MIPEP: variants seen among roughly 807,000 people sequenced by gnomAD.
The protein encoded by MIPEP is mitochondrial intermediate peptidase.
MIPEP carries 79 observed loss-of-function variants against 90.3 expected under a neutral mutation model. The ratio of observed to expected loss-of-function variants is 0.87; its 90% CI spans 0.73 to 1.05. The LOEUF is 1.05. MIPEP is among the 50% of genes least tolerant of loss of function. MIPEP has a pLI of 0.00. For missense variants in MIPEP, 940 were observed against 905.6 expected (o/e 1.04, Z -0.49); for synonymous variants, 334 against 315.8 (o/e 1.06, Z -0.61).
At chr13:23,806,755 T>TCTAA (rs1953114516) in intron 15 of MIPEP, among the ~76,000 whole-genome samples, 1 of 151,220 alleles carries the variant, frequency 6.6e-6, no homozygotes, top group Non-Finnish European at 1.5e-5. Context: ...TATCTATCTA[T>TCTAA]CTATCTATCT....
At chr13:23,825,703 C>CT (rs1868416899) in intron 14 of MIPEP, among the ~76,000 whole-genome samples, 1 of 152,142 alleles carries the variant, frequency 6.6e-6, no homozygotes, top group East Asian at 1.9e-4. Context: ...ACTAATAGAT[C>CT]TATTGCCCCC....
rs143190138 is a variant in MIPEP at position 23,756,629 on chromosome 13, G to A, written c.1971-11C>T. On this transcript the variant is annotated splice_polypyrimidine_tract_variant and intron_variant, in intron 17 of 18. Transcript: ENST00000382172. ...CGCTCCCCGGCAGCCCTGGGGAAGA[G>A]AGGTTCTGTTACAGACTCCTGCTTG... 2.4e-4 allele frequency: 384 copies of A among 1,611,534 alleles called. 1 individual carries two copies. In the African/African-American group the frequency reaches 4.3e-3, roughly 18 times the overall value.
intron 13 of MIPEP, among the ~76,000 whole-genome samples, chr13:23,837,134 G>C (rs1350985052): frequency 6.6e-6 from 1 of 152,094 alleles, no homozygotes; most frequent in Non-Finnish European, 1.5e-5. Context: ...AAAATTAAAA[G>C]GACTTCATCA....
rs1380979835 is a variant in MIPEP at position 23,889,169 on chromosome 13, G to A, written c.152C>T (p.Pro51Leu). The change falls in exon 1 of 19, where the codon CCC becomes CTC. Residue 51 changes from proline to leucine, a missense_variant. By Grantham distance (98) the Pro-to-Leu change is moderately conservative. Coordinates refer to ENST00000382172, the MANE Select transcript of MIPEP (RefSeq NM_005932.4). ...SPVGAAFNVK[P>L]QGSRLDLFGE... ...GAACAGGTCCAAGCGGCTGCCCTGG[G>A]GCTTGACATTGAAGGCGGCGCCCAC... The A allele has an allele frequency of 4.8e-6, 7 of 1,467,258 alleles. No homozygotes were observed. Among genetic ancestry groups the A allele is most frequent in the Non-Finnish European group, 6.3e-6 (7 of 1,110,964 alleles). The allele number at this position is 1,467,258 out of a possible 1,614,324, so 90.9% of individuals were successfully genotyped here.
chr13:23,782,180 T>A (rs1483061691), intron 16 of MIPEP, among the ~76,000 whole-genome samples: 1 of 152,140 alleles, frequency 6.6e-6, no homozygotes, highest in African/African-American at 2.4e-5. Flanking sequence ...TCACACTTAT[T>A]CCAAAATTGA....
intron 16 of MIPEP, among the ~76,000 whole-genome samples, chr13:23,791,846 C>T (rs1952900614): frequency 6.6e-6 from 1 of 152,206 alleles, no homozygotes; most frequent in Non-Finnish European, 1.5e-5. Flanking sequence ...TTGATACCCA[C>T]TCCATTTAGC....
rs553724409 is a variant in MIPEP, at chr13:23,736,089, T to G, written c.2045-5644A>C. Among the ~76,000 whole-genome samples, 9 of 152,298 alleles carry G rather than the reference T, an allele frequency of 5.9e-5. No individual in the cohort carries two copies. In the South Asian group the frequency reaches 1.9e-3, roughly 32 times the overall value. On this transcript the variant is annotated intron_variant, in intron 18 of 18. Coordinates refer to ENST00000382172, the MANE Select transcript of MIPEP (RefSeq NM_005932.4). ...AAGGGTGACGATTAAAATTGTATTT[T>G]CCAAGCACCCCTGGGAACCAGCTTG...
At chr13:23,876,924 C>A (rs537505589) in intron 4 of MIPEP, among the ~76,000 whole-genome samples, 31 of 152,188 alleles carry the variant, frequency 2.0e-4, no homozygotes, top group African/African-American at 7.0e-4. Flanking sequence ...TCCTGAAAAC[C>A]AAGTCTTTCC....
intron 16 of MIPEP, among the ~76,000 whole-genome samples, chr13:23,770,782 G>A (rs1952641053): frequency 6.6e-6 from 1 of 152,144 alleles, no homozygotes; most frequent in South Asian, 2.1e-4. Flanking sequence ...TAGAACACAC[G>A]AGTTTATTAT....
intron 16 of MIPEP, among the ~76,000 whole-genome samples, chr13:23,766,845 C>T (rs12100285): frequency 0.33 from 49,759 of 152,134 alleles, 8,337 homozygotes; most frequent in South Asian, 0.48. Flanking sequence ...TAGACAGAAG[C>T]TGCTCCTTGC....
At chr13:23,841,289 C>T (rs565433824) in intron 11 of MIPEP, 46 bp downstream of exon 11, 55 of 1,555,528 alleles carry the variant, frequency 3.5e-5, no homozygotes, top group South Asian at 7.5e-5. Context: ...ACTGCCCAAC[C>T]GAAAGGTAAA....
chr13:23,747,684 A>C (rs1247543154), intron 18 of MIPEP: 2 of 388,526 alleles, frequency 5.1e-6, no homozygotes, highest in Non-Finnish European at 1.0e-5. Context: ...CATGTGATAA[A>C]AAAAATTCCT....
intron 14 of MIPEP, among the ~76,000 whole-genome samples, chr13:23,816,148 T>C (rs746899713): frequency 6.6e-6 from 1 of 152,240 alleles, no homozygotes; most frequent in Non-Finnish European, 1.5e-5. Flanking sequence ...TGATTGTTTG[T>C]CCTGCTTGGG....
intron 16 of MIPEP, among the ~76,000 whole-genome samples, chr13:23,767,102 T>C (rs1042094490): frequency 1.3e-5 from 2 of 152,182 alleles, no homozygotes; most frequent in Non-Finnish European, 2.9e-5. Flanking sequence ...CTCAGTGCTA[T>C]AACTGTAGGA....
At chr13:23,787,285 G>C (rs1952853348) in intron 16 of MIPEP, among the ~76,000 whole-genome samples, 1 of 152,154 alleles carries the variant, frequency 6.6e-6, no homozygotes, top group African/African-American at 2.4e-5. Context: ...AAGAATCCAG[G>C]CACCAGCAGA....
chr13:23,785,557 T>C (rs1163730364), intron 16 of MIPEP, among the ~76,000 whole-genome samples: 1 of 148,502 alleles, frequency 6.7e-6, no homozygotes, highest in Non-Finnish European at 1.5e-5. Flanking sequence ...CACACCAACA[T>C]GGCACATGTA....
chr13:23,885,098 C>T (rs1871419498), intron 2 of MIPEP, among the ~76,000 whole-genome samples: 1 of 152,170 alleles, frequency 6.6e-6, no homozygotes, highest in African/African-American at 2.4e-5. Flanking sequence ...GGTACTTACA[C>T]ACAATGGAAT....
chr13:23,876,658 T>C (rs2137529442), intron 4 of MIPEP, among the ~76,000 whole-genome samples: 2 of 151,262 alleles, frequency 1.3e-5, no homozygotes, highest in Middle Eastern at 6.8e-3. Context: ...TATTAACTCT[T>C]TGTCATATCA....
rs1472409097 is a variant in MIPEP at position 23,809,907 on chromosome 13, C to T, written c.1671G>A (p.Met557Ile). ...TTTTAGATTCACAAAGACGAGACAC[C>T]ATATTTTTTGGCAGTGGCTTGATAA... ...YQTGQPLPKN[M>I]VSRLCESKKV... is the part of the protein sequence containing the mutation. Residue 557 changes from methionine (M) to isoleucine (I), a missense_variant, in exon 15 of 19, where the codon ATG (methionine) becomes ATA (isoleucine). Met to Ile is a conservative substitution (Grantham distance 10, BLOSUM62 1). Coordinates refer to ENST00000382172, the MANE Select transcript of MIPEP (RefSeq NM_005932.4). The T allele has an allele frequency of 6.2e-7, 1 of 1,613,088 alleles. No homozygotes were observed. The highest frequency in any genetic ancestry group is 2.2e-5 in the East Asian group (1 of 44,826).
Sources: allele counts gnomAD v4.1 joint callset (sites outside exome capture counted in the v4.1 genomes callset), GRCh38; gene constraint gnomAD v4.1.1; transcripts MANE v1.5; gene names NCBI Gene and HGNC (gene_info 2026-07-23, HGNC 2026-07-21).